CAPN15: variants seen among roughly 807,000 people sequenced by gnomAD.
CAPN15 encodes calpain-15.
In CAPN15, 53 loss-of-function variants were observed where a neutral mutation model predicts 97.9. The observed-to-expected ratio is 0.54, with a 90% CI of 0.43 to 0.68. The LOEUF (loss-of-function observed/expected upper bound fraction) is 0.68. CAPN15 is among the 30% of genes least tolerant of loss of function. The probability of loss-of-function intolerance (pLI) is 0.00; values close to 1 mark genes in which losing one functional copy is unlikely to be tolerated. For missense variants in CAPN15, 1,592 were observed against 1,589.8 expected, an observed-to-expected ratio of 1.00 and a Z score of -0.02; for synonymous variants, 922 against 722.5, an observed-to-expected ratio of 1.28 and a Z score of -4.43.
intron 3 of CAPN15, chr16:539,614 T>C (rs1171795493): frequency 4.6e-5 from 7 of 152,272 alleles, no homozygotes; most frequent in Non-Finnish European, 1.0e-4. Flanking sequence ...TCTCGGGGCC[T>C]GGCTCTGTGG....
rs754019293 is a variant in CAPN15 at position 552,747 on chromosome 16, C to T, written c.2880C>T (p.Thr960=). ...TGGCCGACGCCATCATCCTGCTCACCGAGAGCCGCGGAGAGCGGCACGAGG... is the reference window on the plus strand; with the variant it reads ...TGGCCGACGCCATCATCCTGCTCACTGAGAGCCGCGGAGAGCGGCACGAGG... ...TTLADAIILL[T]ESRGERHEGR... Residue 960 remains threonine (T), a synonymous_variant, in exon 12 of 14, where the codon ACC becomes ACT. Coordinates refer to ENST00000219611, the MANE Select transcript of CAPN15 (RefSeq NM_005632.3). This position sits in a 1 kb window ranked among gnomAD's most constrained non-coding sequence, Gnocchi z 6.4. 114 of 1,542,384 alleles carry T rather than the reference C, an allele frequency of 7.4e-5. No homozygotes were observed. Among genetic ancestry groups the T allele is most frequent in the African/African-American group, 1.5e-4 (11 of 72,762 alleles).
rs964990450 is a variant in CAPN15, at chr16:552,338, T to C, written c.2545T>C (p.Cys849Arg). Reference sequence around the variant, plus strand: ...CGTGGACAGCCACCTGCTGGACCTGTGCATCCTGGTGTTCCGGGCCACGTT... The same window carrying C: ...CGTGGACAGCCACCTGCTGGACCTGCGCATCCTGGTGTTCCGGGCCACGTT... ...DAVDSHLLDL[C>R]ILVFRATFGS... The change falls in exon 11 of 14, where the codon TGC becomes CGC. Residue 849 changes from cysteine to arginine, a missense_variant. This residue lies in a region of CAPN15 where 644 missense variants were observed against 699.6 expected (regional missense o/e 0.92). Transcript: ENST00000219611. This position sits in a 1 kb window ranked among gnomAD's most constrained non-coding sequence, Gnocchi z 6.4. 1.3e-6 allele frequency: 2 copies of C among 1,588,192 alleles called. No individual in the cohort carries two copies. Among genetic ancestry groups the C allele is most frequent in the African/African-American group, 2.7e-5 (2 of 74,546 alleles).
intron 3 of CAPN15, chr16:543,426 G>C (rs1002819212): frequency 2.0e-5 from 3 of 152,724 alleles, no homozygotes; most frequent in African/African-American, 4.8e-5. Context: ...CTGCTGTGCC[G>C]GGTATGTGGG....
rs1018866020 is a variant in CAPN15, at chr16:547,144, G to A, written c.306G>A (p.Gln102=). 8 of 1,552,318 alleles carry A rather than the reference G, an allele frequency of 5.2e-6. No individual in the cohort carries two copies. Among genetic ancestry groups the A allele is most frequent in the Non-Finnish European group, 6.9e-6 (8 of 1,151,606 alleles). The change falls in exon 4 of 14, where the codon CAG becomes CAA. Residue 102 remains glutamine (Q), a synonymous_variant. Transcript: ENST00000219611. ...AILGEPKGSC[Q]EEAGPVRTAG... ...TGGGGGAGCCCAAGGGCAGCTGCCA[G>A]GAGGAAGCAGGTCCAGTGAGGACTG...
chr16:550,760 GTCCCCTGC>G (rs2034954430), intron 7 of CAPN15, among the ~76,000 whole-genome samples: 5 of 134,248 alleles, frequency 3.7e-5, no homozygotes, highest in Admixed American at 2.2e-4. Context: ...GTCGGTGAGG[GTCCCCTGC>G]CGGTGAGGGT....
chr16:553,840 T>G lies in CAPN15; in HGVS notation c.*324T>G. ...TGCCCCTCCCTGTGGGCTCAGGGTC[T>G]CCTGCGGGCTAGGCAGCCAGGAGCT... On this transcript the variant is annotated 3_prime_UTR_variant, in exon 14 of 14. Coordinates refer to ENST00000219611, the MANE Select transcript of CAPN15 (RefSeq NM_005632.3). The G allele has an allele frequency of 3.7e-6, 1 of 267,764 alleles. No individual in the cohort carries two copies. The highest frequency in any genetic ancestry group is 7.1e-6 in the Non-Finnish European group (1 of 141,390). 16.6% of individuals were successfully genotyped at this position (267,764 alleles called of 1,614,324 possible). A position where few individuals can be genotyped will look rare whatever the true frequency, so the allele number is the denominator to read the frequency against.
At position 551,603 on chromosome 16, in the gene CAPN15, G is replaced by A. The variant is rs759532989; in HGVS notation, c.2284G>A (p.Glu762Lys). The part of the protein sequence containing the change: ...WPHWPGHLRG[E>K]LMPHGSSEGV... ...ACACTGGCCGGGGCACCTGCGTGGC[G>A]AGCTCATGCCGCACGGCAGCAGTGA... Residue 762 changes from glutamate to lysine, a missense_variant, in exon 9 of 14, where the codon GAG becomes AAG. Physicochemically the swap from Glu to Lys is moderately conservative, Grantham distance 56 (BLOSUM62 1). Around this residue, in one of 3 missense-constraint regions of CAPN15, gnomAD observed 644 missense variants for 699.6 expected, o/e 0.92. Transcript: ENST00000219611. 1.1e-5 allele frequency: 18 copies of A among 1,608,300 alleles called. No homozygotes were observed. The highest frequency in any genetic ancestry group is 1.4e-5 in the Non-Finnish European group (17 of 1,178,948).
intron 2 of CAPN15, among the ~76,000 whole-genome samples, chr16:534,273 C>T: frequency 6.6e-6 from 1 of 152,382 alleles, no homozygotes; most frequent in Non-Finnish European, 1.5e-5. Flanking sequence ...GTGCTGTGGC[C>T]CCGGCCCCCA....
In CAPN15 at chr16:549,676, C is replaced by G. The variant is rs1376177778; in HGVS notation, c.1904C>G (p.Ser635Cys). Residue 635 changes from serine (S) to cysteine (C), a missense_variant, in exon 7 of 14, where the codon TCC (serine) becomes TGC (cysteine). Transcript: ENST00000219611. ...IEKALAKLHG[S>C]YFALQAGRAI... ...AAGGCGCTGGCCAAGCTGCACGGCT[C>G]CTACTTTGCGCTCCAGGCGGGCCGC... 2 of 1,564,410 alleles carry G rather than the reference C, an allele frequency of 1.3e-6. No individual in the cohort carries two copies. The highest frequency in any genetic ancestry group is 1.7e-6 in the Non-Finnish European group (2 of 1,158,630).
rs1225115854 is a variant in CAPN15, at chr16:535,800, G to A, written c.-136-229G>A. Reference sequence around the variant, plus strand: ...ATTCGCGAGCACCTGAAACAGCCTGGCCCACAGCAGAGGCCCGGGGGGCAC... The same window carrying A: ...ATTCGCGAGCACCTGAAACAGCCTGACCCACAGCAGAGGCCCGGGGGGCAC... On this transcript the variant is annotated intron_variant, in intron 2 of 13. Coordinates refer to ENST00000219611, the MANE Select transcript of CAPN15 (RefSeq NM_005632.3). The surrounding 1 kb of genome is among the most constrained non-coding windows in gnomAD (Gnocchi z 6.2). Among the ~76,000 whole-genome samples the A allele has an allele frequency of 6.6e-6, 1 of 152,144 alleles. No homozygotes were observed. Among genetic ancestry groups the A allele is most frequent in the Non-Finnish European group, 1.5e-5 (1 of 68,016 alleles).
chr16:553,776 C>T lies in CAPN15; in HGVS notation c.*260C>T, dbSNP rs1329006675. On this transcript the variant is annotated 3_prime_UTR_variant, in exon 14 of 14. Transcript: ENST00000219611. ...GCGGGCTGTGAACCAGCCCCGCTCA[C>T]CTGCCAGCCCCAACACCCGACGGGG... 2 of 383,384 alleles carry T rather than the reference C, an allele frequency of 5.2e-6. No homozygotes were observed. Among genetic ancestry groups the T allele is most frequent in the East Asian group, 8.1e-5 (2 of 24,668 alleles). The allele number at this position is 383,384 out of a possible 1,614,324, so 23.7% of individuals were successfully genotyped here.
Position 547,856 on chromosome 16 carries a change from G to T in CAPN15, c.1018G>T (p.Asp340Tyr). The T allele has an allele frequency of 6.2e-7, 1 of 1,611,370 alleles. No individual in the cohort carries two copies. The highest frequency in any genetic ancestry group is 1.7e-4 in the Middle Eastern group (1 of 6,058). The change falls in exon 4 of 14, where the codon GAC (aspartate) becomes TAC (tyrosine). Residue 340 changes from aspartate to tyrosine, a missense_variant. Physicochemically the swap from Asp to Tyr is radical, Grantham distance 160. Around this residue, in one of 3 missense-constraint regions of CAPN15, gnomAD observed 883 missense variants for 776.6 expected, o/e 1.14. Transcript: ENST00000219611. ...RYTPASPSSPDFTTWSCAKCT... is the reference protein window; with the variant it reads ...RYTPASPSSPYFTTWSCAKCT... ...CACGCCCGCCAGCCCCTCCAGCCCC[G>T]ACTTCACCACCTGGTCATGTGCCAA...
At chr16:531,295 C>T (rs1480404612) in intron 1 of CAPN15, among the ~76,000 whole-genome samples, 1 of 152,226 alleles carries the variant, frequency 6.6e-6, no homozygotes. Context: ...AACTCCTGGG[C>T]TCAAGTGATC....
Position 549,838 on chromosome 16 carries a change from G to A in CAPN15, c.2066G>A (p.Gly689Glu). 1 of 1,571,824 alleles carries A rather than the reference G, an allele frequency of 6.4e-7. No individual in the cohort carries two copies. Among genetic ancestry groups the A allele is most frequent in the Admixed American group, 1.8e-5 (1 of 55,122 alleles). ...AAAATGCTGAGTTCTAAGGAGGCTGGGTAAGAGGAGGGGCACTGCGTGGTC... is the reference window on the plus strand; with the variant it reads ...AAAATGCTGAGTTCTAAGGAGGCTGAGTAAGAGGAGGGGCACTGCGTGGTC... ...WAKMLSSKEA[G>E]FLMGASCGGG... The change falls in exon 7 of 14, where the codon GGG (glycine) becomes GAG (glutamate). Residue 689 changes from glycine to glutamate, a missense_variant and splice_region_variant. Gly to Glu is a moderately conservative substitution (Grantham distance 98). Coordinates refer to ENST00000219611, the MANE Select transcript of CAPN15 (RefSeq NM_005632.3).
chr16:537,070 G>T (rs1384940928), intron 3 of CAPN15: 1 of 909,506 alleles, frequency 1.1e-6, no homozygotes, highest in South Asian at 5.0e-5. Context: ...GAAAAACCCC[G>T]GAGAGGGCTT....
intron 1 of CAPN15, among the ~76,000 whole-genome samples, chr16:530,100 G>A (rs1316914222): frequency 6.6e-6 from 1 of 152,204 alleles, no homozygotes; most frequent in Non-Finnish European, 1.5e-5. Flanking sequence ...ACCAGGCTGT[G>A]CCTCAGCTGT....
At chr16:539,569 C>A (rs1567140244) in intron 3 of CAPN15, 1 of 152,304 alleles carries the variant, frequency 6.6e-6, no homozygotes, top group Non-Finnish European at 1.5e-5. Context: ...GGAACCGGCC[C>A]CCGCCCTCAG....
intron 7 of CAPN15, among the ~76,000 whole-genome samples, chr16:551,069 A>AGGGCCCCGGTCGGTGAG (rs1202168463): frequency 4.3e-5 from 1 of 23,486 alleles, no homozygotes; most frequent in African/African-American, 2.6e-4. Flanking sequence ...CCGGTCGGTG[A>AGGGCCCCGGTCGGTGAG]GGTCCCCGGT....
chr16:548,313 T>C (rs1031982666), intron 4 of CAPN15, 26 bp downstream of exon 4: 3 of 1,447,416 alleles, frequency 2.1e-6, no homozygotes, highest in Non-Finnish European at 1.8e-6. Context: ...GCCCTCTTCC[T>C]GCTCCTGAGC....
Sources: allele counts gnomAD v4.1 joint callset (sites outside exome capture counted in the v4.1 genomes callset), GRCh38; gene constraint gnomAD v4.1.1; regional missense constraint gnomAD v4.1.1; non-coding constraint Gnocchi (gnomAD v3.1); transcripts MANE v1.5; gene names NCBI Gene and HGNC (gene_info 2026-07-23, HGNC 2026-07-21).